The following C1QTNF3 variants were observed in gnomAD, a reference collection of about 807,000 sequenced individuals.
C1QTNF3 encodes the protein complement C1q tumor necrosis factor-related protein 3.
C1QTNF3 carries 26 observed loss-of-function variants against 32.6 expected under a neutral mutation model. The observed-to-expected ratio is 0.80, with a 90% CI of 0.58 to 1.11. C1QTNF3 has a LOEUF of 1.11. Ranked by LOEUF, C1QTNF3 falls within the 50% of genes least tolerant of loss-of-function variation. C1QTNF3 has a pLI of 0.00. For missense variants in C1QTNF3, 362 were observed against 398.2 expected, an observed-to-expected ratio of 0.91 and a Z score of 0.77; for synonymous variants, 155 against 146.0, an observed-to-expected ratio of 1.06 and a Z score of -0.44.
At chr5:34,064,754 G>A in the C1QTNF3 span, among the ~76,000 whole-genome samples, 1 of 152,172 alleles carries the variant, frequency 6.6e-6, no homozygotes, top group Non-Finnish European at 1.5e-5. Context: ...GCAGTTGCAA[G>A]ATTTAATAGA....
At chr5:34,133,869 C>T in the C1QTNF3 span, among the ~76,000 whole-genome samples, 2 of 152,156 alleles carry the variant, frequency 1.3e-5, no homozygotes, top group African/African-American at 2.4e-5. Flanking sequence ...ATTGGCTGTT[C>T]GTTTCACGAA....
chr5:34,048,254 G>A, the C1QTNF3 span, among the ~76,000 whole-genome samples: 1,044 of 150,686 alleles, frequency 6.9e-3, 21 homozygotes, highest in African/African-American at 0.024. Flanking sequence ...TGTGTGTTAA[G>A]CATGGTAGTG....
the C1QTNF3 span, among the ~76,000 whole-genome samples, chr5:34,172,449 C>T: frequency 1.5e-4 from 4 of 26,206 alleles, no homozygotes; most frequent in East Asian, 7.0e-4. Context: ...GCGGGGGGGG[C>T]GGGGGGAACT....
chr5:34,141,042 G>A, the C1QTNF3 span, among the ~76,000 whole-genome samples: 14 of 152,124 alleles, frequency 9.2e-5, no homozygotes, highest in Admixed American at 3.3e-4. Context: ...CGAAGTGAGT[G>A]GACTTAATAA....
At chr5:34,209,483 T>C in the C1QTNF3 span, among the ~76,000 whole-genome samples, 3 of 151,032 alleles carry the variant, frequency 2.0e-5, no homozygotes, top group East Asian at 3.9e-4. Context: ...ATGGAAAATA[T>C]TGTTGAAAAT....
At chr5:34,145,279 C>T in the C1QTNF3 span, among the ~76,000 whole-genome samples, 1 of 151,944 alleles carries the variant, frequency 6.6e-6, no homozygotes, top group East Asian at 1.9e-4. Flanking sequence ...ACAACAACAG[C>T]ACAAGAAGAA....
chr5:34,037,498 C>T (rs1412510076), intron 1 of C1QTNF3, among the ~76,000 whole-genome samples: 1 of 152,208 alleles, frequency 6.6e-6, no homozygotes, highest in Non-Finnish European at 1.5e-5. Context: ...TGTTCTCACT[C>T]TCTCACTGCT....
At chr5:34,214,832 C>T in the C1QTNF3 span, among the ~76,000 whole-genome samples, 1 of 152,152 alleles carries the variant, frequency 6.6e-6, no homozygotes, top group Non-Finnish European at 1.5e-5. Flanking sequence ...TAGAGGCTAA[C>T]AGGCTTATAC....
At chr5:34,164,617 G>A in the C1QTNF3 span, 1 of 151,790 alleles carries the variant, frequency 6.6e-6, no homozygotes, top group Non-Finnish European at 1.5e-5. Context: ...GTTCATTATC[G>A]AACAATGGCC....
At chr5:34,157,809 G>C in the C1QTNF3 span, among the ~76,000 whole-genome samples, 1 of 152,164 alleles carries the variant, frequency 6.6e-6, no homozygotes, top group Non-Finnish European at 1.5e-5. Context: ...TTTTAGTTCA[G>C]TGAGACCCAT....
the C1QTNF3 span, among the ~76,000 whole-genome samples, chr5:34,063,242 CTCTT>C: frequency 6.6e-6 from 1 of 151,604 alleles, no homozygotes; most frequent in African/African-American, 2.4e-5. Flanking sequence ...GACTTTCTGT[CTCTT>C]TCTCTCTCTT....
chr5:34,108,344 T>G, the C1QTNF3 span, among the ~76,000 whole-genome samples: 2 of 152,150 alleles, frequency 1.3e-5, no homozygotes, highest in Non-Finnish European at 1.5e-5. Flanking sequence ...TTGTTTCCAA[T>G]ATGTGTTTCC....
the C1QTNF3 span, among the ~76,000 whole-genome samples, chr5:34,207,656 GCTCA>G: frequency 6.6e-6 from 1 of 152,100 alleles, no homozygotes; most frequent in African/African-American, 2.4e-5. Context: ...GGCATCTTAA[GCTCA>G]CTATCTACCT....
At chr5:34,099,343 G>A in the C1QTNF3 span, among the ~76,000 whole-genome samples, 1 of 152,128 alleles carries the variant, frequency 6.6e-6, no homozygotes, top group Non-Finnish European at 1.5e-5. Flanking sequence ...CACTAAAGAC[G>A]TTTTAACTAT....
At chr5:34,106,035 C>T in the C1QTNF3 span, 1 of 148,626 alleles carries the variant, frequency 6.7e-6, no homozygotes. Flanking sequence ...TCCAAAGTTA[C>T]AAATTACTTT....
upstream of C1QTNF3, among the ~76,000 whole-genome samples, chr5:34,045,138 G>T (rs1246861154): frequency 6.6e-6 from 1 of 152,206 alleles, no homozygotes; most frequent in Admixed American, 6.5e-5. Flanking sequence ...CAATTCACAG[G>T]TTTTCCAAGA....
chr5:34,045,487 C>G (rs1754971369), upstream of C1QTNF3, among the ~76,000 whole-genome samples: 1 of 152,162 alleles, frequency 6.6e-6, no homozygotes, highest in East Asian at 1.9e-4. Context: ...ATAATAATAT[C>G]CATAATTTGT....
the C1QTNF3 span, among the ~76,000 whole-genome samples, chr5:34,104,749 C>G: frequency 7.1e-6 from 1 of 140,362 alleles, no homozygotes; most frequent in Non-Finnish European, 1.5e-5. Flanking sequence ...CGTTGCCAGG[C>G]TGGTCTCAAA....
At chr5:34,028,369 C>T (rs1754530350) in intron 4 of C1QTNF3, among the ~76,000 whole-genome samples, 1 of 152,062 alleles carries the variant, frequency 6.6e-6, no homozygotes, top group Non-Finnish European at 1.5e-5. Flanking sequence ...GGGGAGGAAA[C>T]AGTTATGACA....
Sources: allele counts gnomAD v4.1 joint callset (sites outside exome capture counted in the v4.1 genomes callset), GRCh38; gene constraint gnomAD v4.1.1; transcripts MANE v1.5; gene names NCBI Gene and HGNC (gene_info 2026-07-23, HGNC 2026-07-21).